SMIM14: variants seen among roughly 807,000 people sequenced by gnomAD.
The protein encoded by SMIM14 is chromosome 4 open reading frame 34.
Under a neutral mutation model 12.6 loss-of-function variants are expected in SMIM14, and 5 were observed. That is an observed-to-expected ratio of 0.40 (90% CI 0.21 to 0.83). The LOEUF is 0.83. Among genes scored for constraint, SMIM14 ranks in the 40% least tolerant of loss-of-function variants. SMIM14 has a pLI of 0.37. For missense variants in SMIM14, 86 were observed against 119.1 expected (o/e 0.72, Z 1.29); for synonymous variants, 30 against 40.1 (o/e 0.75, Z 0.95).
At chr4:39,567,554 T>C (rs1434137150) in intron 3 of SMIM14, among the ~76,000 whole-genome samples, 1 of 152,004 alleles carries the variant, frequency 6.6e-6, no homozygotes, top group East Asian at 1.9e-4. Context: ...CTGGCCAACA[T>C]GGCGAAACCC....
At chr4:39,553,063 T>A (rs1035277654) in intron 4 of SMIM14, among the ~76,000 whole-genome samples, 1 of 151,914 alleles carries the variant, frequency 6.6e-6, no homozygotes, top group Non-Finnish European at 1.5e-5. Context: ...TTAATAGTTT[T>A]TTTTTTTTTT....
At chr4:39,638,467 G>A (rs1164682063) in intron 1 of SMIM14, 4 of 985,230 alleles carry the variant, frequency 4.1e-6, no homozygotes, top group Non-Finnish European at 3.6e-6. Flanking sequence ...AACCACCCGT[G>A]GCTACCTTGC....
rs374469105 is a variant in SMIM14, at chr4:39,634,469, A to C, written c.-36+4270T>G. Among the ~76,000 whole-genome samples, 135 of 152,298 alleles carry C rather than the reference A, an allele frequency of 8.9e-4. 1 individual carries two copies. Among genetic ancestry groups the C allele is most frequent in the African/African-American group, 3.1e-3 (130 of 41,584 alleles). ...AAGTTTCTGCCACTTACTGTGTCTC[A>C]TTGTCTTCATTTGTATGATACCTAC... On this transcript the variant is annotated intron_variant, in intron 1 of 4. Coordinates refer to ENST00000295958, the MANE Select transcript of SMIM14 (RefSeq NM_174921.3).
At chr4:39,603,988 G>A (rs892595078) in intron 2 of SMIM14, among the ~76,000 whole-genome samples, 4 of 150,420 alleles carry the variant, frequency 2.7e-5, no homozygotes, top group Non-Finnish European at 5.9e-5. Flanking sequence ...TCCAGCCTGG[G>A]TGGCAGAGTG....
At chr4:39,562,000 G>A (rs757377651) in intron 3 of SMIM14, among the ~76,000 whole-genome samples, 1 of 147,786 alleles carries the variant, frequency 6.8e-6, no homozygotes, top group Non-Finnish European at 1.5e-5. Flanking sequence ...AATATGACTC[G>A]TAGTTCCCTT....
rs1747413169 is a variant in SMIM14, at chr4:39,548,107, G to A, written c.*4019C>T. 6.6e-6 allele frequency: 1 copy of A among 152,192 alleles called. No individual in the cohort carries two copies. Among genetic ancestry groups the A allele is most frequent in the African/African-American group, 2.4e-5 (1 of 41,498 alleles). 9.4% of individuals were successfully genotyped at this position (152,192 alleles called of 1,614,324 possible). On this transcript the variant is annotated 3_prime_UTR_variant, in exon 5 of 5. Transcript: ENST00000295958. ...TTTAGTGGAGATGGAGTTTTTCCATGTTGGCCAGGCTGGTCTCGAACTCCT... is the reference window on the plus strand; with the variant it reads ...TTTAGTGGAGATGGAGTTTTTCCATATTGGCCAGGCTGGTCTCGAACTCCT...
intron 2 of SMIM14, chr4:39,592,789 A>T (rs1368157014): frequency 6.6e-6 from 1 of 152,210 alleles, no homozygotes; most frequent in Non-Finnish European, 1.5e-5. Context: ...ACGCAAAGAA[A>T]CTAGAAAATC....
chr4:39,583,130 C>T (rs962247966), intron 2 of SMIM14, among the ~76,000 whole-genome samples: 6 of 152,008 alleles, frequency 3.9e-5, no homozygotes, highest in Non-Finnish European at 7.4e-5. Context: ...ACTCTGTTGC[C>T]CTGGCTGGTG....
At chr4:39,572,115 T>C (rs1712921272) in intron 3 of SMIM14, among the ~76,000 whole-genome samples, 1 of 151,980 alleles carries the variant, frequency 6.6e-6, no homozygotes, top group African/African-American at 2.4e-5. Flanking sequence ...TTTTTTTTCC[T>C]TATACTTATT....
intron 1 of SMIM14, among the ~76,000 whole-genome samples, chr4:39,622,123 G>A (rs531625746): frequency 6.6e-6 from 1 of 151,954 alleles, no homozygotes; most frequent in African/African-American, 2.4e-5. Context: ...TTGCACTGTT[G>A]CCCAGGCTGG....
chr4:39,561,220 A>T (rs887093916), intron 3 of SMIM14, among the ~76,000 whole-genome samples: 27 of 152,186 alleles, frequency 1.8e-4, no homozygotes, highest in Admixed American at 1.0e-3. Flanking sequence ...TTTGAGCATC[A>T]TGTCAGCACT....
In SMIM14 at chr4:39,606,997, C is replaced by A. The variant is rs183288294; in HGVS notation, c.-35-1817G>T. Among the ~76,000 whole-genome samples, 19 of 152,198 alleles carry A rather than the reference C, an allele frequency of 1.2e-4. No homozygotes were observed. The East Asian group carries it at 3.5e-3, about 28-fold the overall frequency. ...ATTACTGAACTTGAAGACATAATAA[C>A]AGTAGCTATCAAAAATGAAATAATA... On this transcript the variant is annotated intron_variant, in intron 1 of 4. Transcript: ENST00000295958.
intron 3 of SMIM14, among the ~76,000 whole-genome samples, chr4:39,569,442 C>G (rs925534641): frequency 6.6e-6 from 1 of 152,186 alleles, no homozygotes; most frequent in Non-Finnish European, 1.5e-5. Context: ...AATAAACAGG[C>G]AGCTCTGCTT....
At chr4:39,629,476 T>G (rs1715828233) in intron 1 of SMIM14, among the ~76,000 whole-genome samples, 1 of 148,490 alleles carries the variant, frequency 6.7e-6, no homozygotes, top group Non-Finnish European at 1.5e-5. Context: ...AGACAGGGTC[T>G]CTATTGCCCA....
intron 2 of SMIM14, chr4:39,592,924 C>A (rs969157441): frequency 1.3e-5 from 2 of 152,002 alleles, no homozygotes; most frequent in Admixed American, 1.3e-4. Context: ...GCTTACCAAC[C>A]AAAAAGAGTC....
chr4:39,584,225 T>A (rs1407706588), intron 2 of SMIM14, among the ~76,000 whole-genome samples: 1 of 151,826 alleles, frequency 6.6e-6, no homozygotes, highest in Non-Finnish European at 1.5e-5. Flanking sequence ...CTCACACCTG[T>A]AATCCTCGAA....
At chr4:39,634,209 G>A (rs187396191) in intron 1 of SMIM14, among the ~76,000 whole-genome samples, 1 of 152,320 alleles carries the variant, frequency 6.6e-6, no homozygotes, top group Admixed American at 6.5e-5. Flanking sequence ...TTACAGGCAT[G>A]AGCCACCGCG....
chr4:39,605,056 C>T lies in SMIM14; in HGVS notation c.75+15G>A. On this transcript the variant is annotated intron_variant, in intron 2 of 4. Transcript: ENST00000295958. ...ACAGATCAGTTCAGAATAGGATTGTCCTGTTGCATCTCACCAGATTGATCA... is the reference window on the plus strand; with the variant it reads ...ACAGATCAGTTCAGAATAGGATTGTTCTGTTGCATCTCACCAGATTGATCA... The T allele has an allele frequency of 6.7e-7, 1 of 1,485,996 alleles. No individual in the cohort carries two copies. The highest frequency in any genetic ancestry group is 9.4e-7 in the Non-Finnish European group (1 of 1,068,148). 92.1% of individuals were successfully genotyped at this position (1,485,996 alleles called of 1,614,324 possible).
intron 2 of SMIM14, among the ~76,000 whole-genome samples, chr4:39,584,917 A>G (rs1252435467): frequency 6.6e-6 from 1 of 152,014 alleles, no homozygotes; most frequent in Non-Finnish European, 1.5e-5. Flanking sequence ...TACTTTGCCT[A>G]AATGATATGC....
Sources: allele counts gnomAD v4.1 joint callset (sites outside exome capture counted in the v4.1 genomes callset), GRCh38; gene constraint gnomAD v4.1.1; transcripts MANE v1.5; gene names NCBI Gene and HGNC (gene_info 2026-07-23, HGNC 2026-07-21).